NKAIN3: variants seen among roughly 807,000 people sequenced by gnomAD.
NKAIN3 encodes the protein sodium/potassium-transporting ATPase subunit beta-1-interacting protein 3.
NKAIN3 carries 25 observed loss-of-function variants against 30.2 expected under a neutral mutation model. The observed-to-expected ratio is 0.83, with a 90% CI of 0.60 to 1.16. The LOEUF (loss-of-function observed/expected upper bound fraction) is 1.16, where lower values mean the gene tolerates loss of function less well. Among genes scored for constraint, NKAIN3 ranks in the 50% most tolerant of loss-of-function variants. The pLI, the probability that NKAIN3 is intolerant of heterozygous loss-of-function variation, is 0.00. For synonymous variants in NKAIN3, 91 were observed against 89.6 expected (o/e 1.02, Z -0.09); for missense variants, 225 against 254.1 (o/e 0.89, Z 0.78).
chr8:62,542,688 C>T (rs534144248), intron 1 of NKAIN3, among the ~76,000 whole-genome samples: 10 of 152,064 alleles, frequency 6.6e-5, no homozygotes, highest in South Asian at 4.2e-4. Context: ...ATGTTAAAAA[C>T]GGGATACATG....
At chr8:62,900,029 T>TA (rs5891878) in intron 4 of NKAIN3, among the ~76,000 whole-genome samples, 417 of 148,114 alleles carry the variant, frequency 2.8e-3, no homozygotes, top group African/African-American at 8.1e-3. Context: ...CTACTGAAAT[T>TA]AAAAAAAAAA....
At chr8:62,870,543 C>CAT (rs1215141523) in intron 4 of NKAIN3, among the ~76,000 whole-genome samples, 1 of 129,514 alleles carries the variant, frequency 7.7e-6, no homozygotes, top group Admixed American at 8.0e-5. Flanking sequence ...ACAATATGTA[C>CAT]ATATATATAC....
chr8:62,505,177 A>G (rs143037797), intron 1 of NKAIN3, among the ~76,000 whole-genome samples: 1 of 152,344 alleles, frequency 6.6e-6, no homozygotes, highest in Non-Finnish European at 1.5e-5. Context: ...TACTGTGGCT[A>G]TGCACAAAAC....
intron 4 of NKAIN3, 54 bp from the exon 5 acceptor site, chr8:62,918,399 A>C: frequency 7.8e-7 from 1 of 1,285,760 alleles, no homozygotes; most frequent in South Asian, 1.2e-5. Context: ...TTGGCTCTTT[A>C]AGTATGGAAA....
intron 1 of NKAIN3, among the ~76,000 whole-genome samples, chr8:62,296,533 A>G (rs1813836527): frequency 6.6e-6 from 1 of 152,172 alleles, no homozygotes. Flanking sequence ...TATTAACTGT[A>G]ACTTTTTTTT....
chr8:62,997,820 G>A (rs1297267798), intron 5 of NKAIN3, among the ~76,000 whole-genome samples: 2 of 150,982 alleles, frequency 1.3e-5, no homozygotes, highest in Non-Finnish European at 2.9e-5. Context: ...AAATCTGAGC[G>A]TATTTTTGAC....
At chr8:62,763,169 C>T (rs1008920781) in intron 4 of NKAIN3, among the ~76,000 whole-genome samples, 5 of 126,024 alleles carry the variant, frequency 4.0e-5, no homozygotes, top group South Asian at 2.5e-4. Context: ...TGCAGTGAAC[C>T]GAGATCGAGG....
intron 4 of NKAIN3, among the ~76,000 whole-genome samples, chr8:62,747,667 G>A (rs16929509): frequency 2.7e-3 from 414 of 152,298 alleles, no homozygotes; most frequent in Non-Finnish European, 5.0e-3. Flanking sequence ...TCCACAGAAG[G>A]TTAATGTGCC....
At position 62,974,600 on chromosome 8, in the gene NKAIN3, T is replaced by C. The variant is rs1294072036; in HGVS notation, c.*9193T>C. On this transcript the variant is annotated 3_prime_UTR_variant, in exon 7 of 7. Transcript: ENST00000623646. ...GTTTTCTAAATGTACAACCATATCATCTGCAAACAGAGATAATTTGACTTT... is the reference window on the plus strand; with the variant it reads ...GTTTTCTAAATGTACAACCATATCACCTGCAAACAGAGATAATTTGACTTT... 6.6e-6 allele frequency among the ~76,000 whole-genome samples: 1 copy of C among 152,236 alleles called. No individual in the cohort carries two copies. The highest frequency in any genetic ancestry group is 1.9e-4 in the East Asian group (1 of 5,204).
chr8:62,815,136 C>T (rs1818633933), intron 4 of NKAIN3, among the ~76,000 whole-genome samples: 2 of 152,094 alleles, frequency 1.3e-5, no homozygotes, highest in Admixed American at 6.5e-5. Flanking sequence ...TGGATAAATT[C>T]CTTGACACAT....
At chr8:62,948,030 G>T (rs1823173817) in intron 5 of NKAIN3, among the ~76,000 whole-genome samples, 1 of 152,194 alleles carries the variant, frequency 6.6e-6, no homozygotes, top group African/African-American at 2.4e-5. Context: ...AGAGCAAGCA[G>T]CTTGCCCATA....
intron 1 of NKAIN3, among the ~76,000 whole-genome samples, chr8:62,528,538 ATCT>A (rs1042111666): frequency 1.3e-5 from 2 of 151,560 alleles, no homozygotes; most frequent in African/African-American, 4.9e-5. Context: ...GTCCCTAGTA[ATCT>A]TCTCTCCACC....
chr8:62,501,259 G>A (rs1207839822), intron 1 of NKAIN3, among the ~76,000 whole-genome samples: 1 of 152,096 alleles, frequency 6.6e-6, no homozygotes, highest in Non-Finnish European at 1.5e-5. Context: ...CTATCCATGA[G>A]TAGCTACTGG....
chr8:62,347,136 G>A (rs1324825531), intron 1 of NKAIN3, among the ~76,000 whole-genome samples: 3 of 152,160 alleles, frequency 2.0e-5, no homozygotes, highest in African/African-American at 7.2e-5. Flanking sequence ...GGATTTTAAT[G>A]TGAAGGCATC....
At chr8:62,347,779 G>C (rs982869605) in intron 1 of NKAIN3, among the ~76,000 whole-genome samples, 1 of 152,084 alleles carries the variant, frequency 6.6e-6, no homozygotes, top group South Asian at 2.1e-4. Context: ...GCTCATTCTG[G>C]AGTAGATAAG....
chr8:62,958,278 T>C (rs535821357), intron 6 of NKAIN3, among the ~76,000 whole-genome samples: 2 of 152,274 alleles, frequency 1.3e-5, no homozygotes, highest in South Asian at 4.2e-4. Flanking sequence ...TCCACCATTA[T>C]GCCTAAAGCT....
chr8:62,744,318 G>C (rs568730337), intron 3 of NKAIN3, among the ~76,000 whole-genome samples: 11 of 152,272 alleles, frequency 7.2e-5, no homozygotes, highest in African/African-American at 2.4e-4. Context: ...TATAGTCATT[G>C]TGAGGAATAG....
In NKAIN3 at chr8:62,966,661, A is replaced by T. The variant is rs1823721417; in HGVS notation, c.*1254A>T. Reference sequence around the variant, plus strand: ...TGATAATTTGGTCTGTTCTCAATATAAAATATATACACTTTTCACATCACT... The same window carrying T: ...TGATAATTTGGTCTGTTCTCAATATTAAATATATACACTTTTCACATCACT... On this transcript the variant is annotated 3_prime_UTR_variant, in exon 7 of 7. Transcript: ENST00000623646. Among the ~76,000 whole-genome samples, 1 of 152,184 alleles carries T rather than the reference A, an allele frequency of 6.6e-6. No individual in the cohort carries two copies.
rs1824039310 is a variant in NKAIN3 at position 62,980,047 on chromosome 8, C to G, written c.*14640C>G. The G allele has an allele frequency of 6.6e-6, 1 of 152,246 alleles. No individual in the cohort carries two copies. The highest frequency in any genetic ancestry group is 2.4e-5 in the African/African-American group (1 of 41,472). The allele number at this position is 152,246 out of a possible 1,614,324, so 9.4% of individuals were successfully genotyped here. On this transcript the variant is annotated 3_prime_UTR_variant, in exon 7 of 7. Transcript: ENST00000623646. Reference sequence around the variant, plus strand: ...ATAGGAAATCCTAGACCTCAGATCACTGTTCTTTGCTTCCCAAAAGACAGA... The same window carrying G: ...ATAGGAAATCCTAGACCTCAGATCAGTGTTCTTTGCTTCCCAAAAGACAGA...
Sources: allele counts gnomAD v4.1 joint callset (sites outside exome capture counted in the v4.1 genomes callset), GRCh38; gene constraint gnomAD v4.1.1; transcripts MANE v1.5; gene names NCBI Gene and HGNC (gene_info 2026-07-23, HGNC 2026-07-21).